The following PTPN1 variants were observed in gnomAD, a reference collection of about 807,000 sequenced individuals.
The protein encoded by PTPN1 is tyrosine-protein phosphatase non-receptor type 1.
A neutral mutation model predicts 59.9 loss-of-function variants in PTPN1; 12 were observed. The observed-to-expected ratio is 0.20, with a 90% CI of 0.13 to 0.32. The LOEUF is 0.32. PTPN1 is among the 10% of genes least tolerant of loss of function. The pLI is 1.00. For synonymous variants in PTPN1, 178 were observed against 203.6 expected (o/e 0.87, Z 1.07); for missense variants, 356 against 549.2 (o/e 0.65, Z 3.52).
chr20:50,581,520 T>C, intron 9 of PTPN1, 60 bp downstream of exon 9: 1 of 1,517,332 alleles, frequency 6.6e-7, no homozygotes, highest in Non-Finnish European at 8.9e-7. Context: ...CACTGGCCGC[T>C]AGCCCGATGG....
intron 1 of PTPN1, among the ~76,000 whole-genome samples, chr20:50,510,959 C>T (rs1364851112): frequency 6.6e-6 from 1 of 152,094 alleles, no homozygotes; most frequent in Non-Finnish European, 1.5e-5. Flanking sequence ...ATTTCCTTTT[C>T]TGGAGTGGAC....
At chr20:50,513,849 T>G (rs980808051) in intron 1 of PTPN1, among the ~76,000 whole-genome samples, 1 of 152,182 alleles carries the variant, frequency 6.6e-6, no homozygotes, top group Non-Finnish European at 1.5e-5. Context: ...AAAAAACTAT[T>G]TTATGCAAAG....
Position 50,581,251 on chromosome 20 carries a change from C to T in PTPN1, c.1089-14C>T, listed in dbSNP as rs1331447876. ...CCAAAGTGAGTAACCCATCTCTGCCCTCTGATTCCTCAGCATGAGTCAAGA... is the reference window on the plus strand; with the variant it reads ...CCAAAGTGAGTAACCCATCTCTGCCTTCTGATTCCTCAGCATGAGTCAAGA... On this transcript the variant is annotated splice_polypyrimidine_tract_variant and intron_variant, in intron 8 of 9. Transcript: ENST00000371621. 6.3e-6 allele frequency: 10 copies of T among 1,583,216 alleles called. No homozygotes were observed. In the Admixed American group the frequency reaches 1.2e-4, roughly 19 times the overall value.
chr20:50,576,350 A>G (rs1436149029), intron 5 of PTPN1, among the ~76,000 whole-genome samples: 1 of 152,234 alleles, frequency 6.6e-6, no homozygotes, highest in African/African-American at 2.4e-5. Context: ...GAGTGAATAC[A>G]GCCAGCTCAG....
intron 1 of PTPN1, among the ~76,000 whole-genome samples, chr20:50,520,093 C>T (rs946882937): frequency 5.3e-5 from 8 of 152,220 alleles, no homozygotes; most frequent in African/African-American, 1.7e-4. Flanking sequence ...TGATTCCGGC[C>T]GGGCATGGTG....
chr20:50,564,223 G>A (rs914294011), intron 2 of PTPN1, among the ~76,000 whole-genome samples: 32 of 152,190 alleles, frequency 2.1e-4, no homozygotes, highest in African/African-American at 6.0e-4. Flanking sequence ...AGCAACAGCT[G>A]TAGGGACTAG....
At chr20:50,574,407 A>T (rs945180433) in intron 4 of PTPN1, 110 bp from the exon 5 acceptor site, 1 of 1,147,306 alleles carries the variant, frequency 8.7e-7, no homozygotes, top group Non-Finnish European at 1.2e-6. Context: ...ATGTTCAGAA[A>T]CCCCCAGGCC....
chr20:50,533,699 C>T (rs561233518), intron 1 of PTPN1, among the ~76,000 whole-genome samples: 4 of 152,166 alleles, frequency 2.6e-5, no homozygotes, highest in Non-Finnish European at 4.4e-5. Context: ...TGCCCCCCCC[C>T]AGAAAGGAAG....
chr20:50,580,291 C>CA (rs2082860735), intron 8 of PTPN1, among the ~76,000 whole-genome samples: 1 of 152,220 alleles, frequency 6.6e-6, no homozygotes, highest in Admixed American at 6.5e-5. Flanking sequence ...TGAGTGCCCT[C>CA]AGTCCCCACA....
At chr20:50,561,512 T>G in intron 2 of PTPN1, 59 bp downstream of exon 2, 20 of 1,103,684 alleles carry the variant, frequency 1.8e-5, no homozygotes, top group Non-Finnish European at 2.7e-5. Context: ...GCCTTTTTAG[T>G]CAAGACTCCT....
At chr20:50,522,465 G>T (rs1037819705) in intron 1 of PTPN1, among the ~76,000 whole-genome samples, 2 of 152,138 alleles carry the variant, frequency 1.3e-5, no homozygotes, top group African/African-American at 4.8e-5. Flanking sequence ...ATGACTAAAT[G>T]GTTGCTCTAC....
chr20:50,548,156 G>A (rs1025058492), intron 1 of PTPN1, among the ~76,000 whole-genome samples: 7 of 152,046 alleles, frequency 4.6e-5, no homozygotes, highest in South Asian at 2.1e-4. Flanking sequence ...TTTGTGTTTC[G>A]TAATTCTTCA....
chr20:50,561,566 GT>G, intron 2 of PTPN1, 113 bp downstream of exon 2: 1 of 609,916 alleles, frequency 1.6e-6, no homozygotes, highest in Non-Finnish European at 2.8e-6. Context: ...TGTAGCAGAG[GT>G]TTATGACGCG....
chr20:50,561,426 C>T lies in PTPN1; in HGVS notation c.127C>T (p.Arg43Ter), dbSNP rs759320660. Residue 43 changes from arginine (R) to a stop codon, truncating the protein, a stop_gained, in exon 2 of 10, where the codon CGA becomes TGA. Transcript: ENST00000371621. LOFTEE classifies it high-confidence loss of function. Reference protein sequence around the residue: ...RVAKLPKNKNRNRYRDVSPFD... With the variant: ...RVAKLPKNKN ...GGCCAAGCTTCCTAAGAACAAAAAC[C>T]GAAATAGGTACAGAGACGTCAGTCC... The T allele has an allele frequency of 6.2e-7, 1 of 1,612,042 alleles. No individual in the cohort carries two copies. Among genetic ancestry groups the T allele is most frequent in the Non-Finnish European group, 8.5e-7 (1 of 1,178,340 alleles).
intron 1 of PTPN1, among the ~76,000 whole-genome samples, chr20:50,558,829 C>T (rs1234466032): frequency 6.6e-6 from 1 of 152,084 alleles, no homozygotes; most frequent in Non-Finnish European, 1.5e-5. Context: ...ATGTAGTTGT[C>T]ACCCTGCTAT....
intron 1 of PTPN1, among the ~76,000 whole-genome samples, chr20:50,554,282 G>C (rs1000582349): frequency 6.6e-6 from 1 of 152,114 alleles, no homozygotes; most frequent in African/African-American, 2.4e-5. Context: ...AGCTAGCCTG[G>C]AGGCTAAGAA....
chr20:50,547,086 G>C (rs1487611504), intron 1 of PTPN1, among the ~76,000 whole-genome samples: 2 of 152,174 alleles, frequency 1.3e-5, no homozygotes, highest in East Asian at 3.8e-4. Context: ...ATCAATTACT[G>C]TAAGTCTGAT....
intron 5 of PTPN1, 57 bp downstream of exon 5, chr20:50,574,711 C>G (rs1393319872): frequency 6.5e-7 from 1 of 1,538,250 alleles, no homozygotes; most frequent in Non-Finnish European, 8.8e-7. Flanking sequence ...ATGCCTCTTC[C>G]TTTATCCCTT....
chr20:50,553,373 G>C (rs1013319611), intron 1 of PTPN1, among the ~76,000 whole-genome samples: 1 of 152,190 alleles, frequency 6.6e-6, no homozygotes, highest in South Asian at 2.1e-4. Context: ...GCAGAGCAGG[G>C]TACTAAGGAT....
Sources: allele counts gnomAD v4.1 joint callset (sites outside exome capture counted in the v4.1 genomes callset), GRCh38; gene constraint gnomAD v4.1.1; transcripts MANE v1.5; gene names NCBI Gene and HGNC (gene_info 2026-07-23, HGNC 2026-07-21).